XIRP2: variants seen among roughly 807,000 people sequenced by gnomAD.
XIRP2 encodes xin actin binding repeat containing 2.
XIRP2 carries 236 observed loss-of-function variants against 277.0 expected under a neutral mutation model. That is an observed-to-expected ratio of 0.85 (90% CI 0.77 to 0.95). XIRP2 has a LOEUF of 0.95. Ranked by LOEUF, XIRP2 falls within the 40% of genes least tolerant of loss-of-function variation. XIRP2 has a pLI of 0.00. For synonymous variants in XIRP2, 1,490 were observed against 1,416.5 expected (o/e 1.05, Z -1.17); for missense variants, 4,640 against 4,157.5 (o/e 1.12, Z -3.19).
chr2:167,089,580 T>C (rs1690080832), intron 2 of XIRP2, among the ~76,000 whole-genome samples: 1 of 152,144 alleles, frequency 6.6e-6, no homozygotes, highest in Non-Finnish European at 1.5e-5. Context: ...GCAAGGATGT[T>C]CTTAATGCAT....
intron 2 of XIRP2, among the ~76,000 whole-genome samples, chr2:167,048,364 TTTGA>T (rs758027359): frequency 7.2e-5 from 11 of 151,976 alleles, no homozygotes; most frequent in Non-Finnish European, 1.2e-4. Context: ...TGAATTTCCC[TTTGA>T]TTATAGAGAT....
rs139274424 is a variant in XIRP2 at position 167,039,563 on chromosome 2, G to T, written c.409-96346G>T. Among the ~76,000 whole-genome samples the T allele has an allele frequency of 1.3e-3, 203 of 152,260 alleles. 1 individual carries two copies. Among genetic ancestry groups the T allele is most frequent in the Middle Eastern group, 6.8e-3 (2 of 294 alleles). ...AAGCAGAAGATAGAGCCGTATGAATGAGTACACACACACAAACACATACAC... is the reference window on the plus strand; with the variant it reads ...AAGCAGAAGATAGAGCCGTATGAATTAGTACACACACACAAACACATACAC... On this transcript the variant is annotated intron_variant, in intron 2 of 10. Transcript: ENST00000409195.
chr2:167,043,727 T>C (rs1433313669), intron 2 of XIRP2, among the ~76,000 whole-genome samples: 1 of 151,908 alleles, frequency 6.6e-6, no homozygotes, highest in Non-Finnish European at 1.5e-5. Context: ...AATCCCTGGA[T>C]CAGATGGATT....
intron 9 of XIRP2, among the ~76,000 whole-genome samples, chr2:167,252,779 T>G (rs1488868571): frequency 6.6e-6 from 1 of 151,956 alleles, no homozygotes; most frequent in African/African-American, 2.4e-5. Context: ...AGTCCATTCT[T>G]TTAGACAGAT....
rs139937776 is a variant in XIRP2 at position 167,008,289 on chromosome 2, G to A, written c.408+104399G>A. Among the ~76,000 whole-genome samples, 455 of 151,442 alleles carry A rather than the reference G, an allele frequency of 3.0e-3. 5 individuals are homozygous for A. Among genetic ancestry groups the A allele is most frequent in the African/African-American group, 0.01 (424 of 41,398 alleles). ...TTCTTCTCTCTGTCTTATTTTTACT[G>A]GAAAGTATTATCAGTTTCTTCAATT... is the stretch of plus-strand genomic sequence containing the variant. On this transcript the variant is annotated intron_variant, in intron 2 of 10. Coordinates refer to ENST00000409195, the MANE Select transcript of XIRP2 (RefSeq NM_152381.6).
intron 2 of XIRP2, among the ~76,000 whole-genome samples, chr2:166,948,225 TATG>T: frequency 6.6e-6 from 1 of 152,240 alleles, no homozygotes; most frequent in African/African-American, 2.4e-5. Flanking sequence ...TTTGTGTGAT[TATG>T]ATATGTTAAT....
intron 3 of XIRP2, among the ~76,000 whole-genome samples, chr2:167,176,009 G>T (rs1000787567): frequency 6.6e-6 from 1 of 152,178 alleles, no homozygotes; most frequent in African/African-American, 2.4e-5. Flanking sequence ...AGAGTGCTGT[G>T]CTGGCAGCGA....
At chr2:167,065,316 A>G (rs898168662) in intron 2 of XIRP2, among the ~76,000 whole-genome samples, 2 of 151,890 alleles carry the variant, frequency 1.3e-5, no homozygotes, top group Non-Finnish European at 2.9e-5. Context: ...AGAAACGTCT[A>G]TTCAACTCCT....
At chr2:166,942,501 A>G (rs1685746900) in intron 2 of XIRP2, among the ~76,000 whole-genome samples, 1 of 152,210 alleles carries the variant, frequency 6.6e-6, no homozygotes, top group Admixed American at 6.5e-5. Flanking sequence ...CACAAGTGTT[A>G]GTGGCAGTGC....
At chr2:167,169,068 A>G (rs2105347293) in intron 3 of XIRP2, among the ~76,000 whole-genome samples, 1 of 150,074 alleles carries the variant, frequency 6.7e-6, no homozygotes, top group East Asian at 1.9e-4. Context: ...TATACTAGGT[A>G]AAAGGAATGC....
intron 3 of XIRP2, chr2:167,187,677 T>C: frequency 2.1e-6 from 1 of 470,172 alleles, no homozygotes; most frequent in Non-Finnish European, 2.8e-6. Flanking sequence ...TCTATGATAA[T>C]ATTTAGCATT....
At chr2:167,116,448 T>C (rs922472060) in intron 2 of XIRP2, among the ~76,000 whole-genome samples, 2 of 152,182 alleles carry the variant, frequency 1.3e-5, no homozygotes, top group African/African-American at 4.8e-5. Context: ...GATATTAATA[T>C]AGGTACTCCT....
intron 4 of XIRP2, among the ~76,000 whole-genome samples, chr2:167,216,129 A>G (rs892025798): frequency 4.1e-5 from 5 of 123,128 alleles, no homozygotes; most frequent in African/African-American, 1.6e-4. Context: ...ACAAAAATCA[A>G]TTCAAGATGG....
At position 166,904,843 on chromosome 2, in the gene XIRP2, G is replaced by A. The variant is rs572625333; in HGVS notation, c.408+953G>A. ...AGTTTTATCAGAAAGGTACACAGTC[G>A]TATTCTTGTTAATGGATAATTAGCC... On this transcript the variant is annotated intron_variant, in intron 2 of 10. Transcript: ENST00000409195. Among the ~76,000 whole-genome samples the A allele has an allele frequency of 1.5e-4, 23 of 152,078 alleles. No individual in the cohort carries two copies. The East Asian group carries it at 3.5e-3, about 23-fold the overall frequency.
intron 2 of XIRP2, among the ~76,000 whole-genome samples, chr2:167,075,252 G>A (rs377169517): frequency 2.0e-4 from 30 of 152,090 alleles, no homozygotes; most frequent in Non-Finnish European, 3.7e-4. Context: ...AGCATGACAC[G>A]GAGAGATAGA....
At chr2:167,034,483 CA>C (rs1002578158) in intron 2 of XIRP2, among the ~76,000 whole-genome samples, 1 of 150,062 alleles carries the variant, frequency 6.7e-6, no homozygotes, top group African/African-American at 2.5e-5. Flanking sequence ...TCAAAAGATA[CA>C]GAGTGGCTGA....
chr2:166,959,887 A>T (rs910206925), intron 2 of XIRP2, among the ~76,000 whole-genome samples: 14 of 151,750 alleles, frequency 9.2e-5, no homozygotes, highest in Non-Finnish European at 2.1e-4. Context: ...ACTGATCAGC[A>T]CAATCACTTT....
intron 2 of XIRP2, among the ~76,000 whole-genome samples, chr2:167,098,980 G>A (rs1426615908): frequency 2.0e-5 from 3 of 152,102 alleles, no homozygotes; most frequent in Non-Finnish European, 2.9e-5. Context: ...GGTGTCTGTC[G>A]ACCCCTGCTA....
rs191487090 is a variant in XIRP2, at chr2:167,165,407, A to G, written c.562+29345A>G. On this transcript the variant is annotated intron_variant, in intron 3 of 10. Transcript: ENST00000409195. ...ATATGATAAAAGTGTGTTTAGTTTTATAAGAAATCACTAAGCAGCCTTCCA... is the reference window on the plus strand; with the variant it reads ...ATATGATAAAAGTGTGTTTAGTTTTGTAAGAAATCACTAAGCAGCCTTCCA... Among the ~76,000 whole-genome samples the G allele has an allele frequency of 2.0e-4, 31 of 152,330 alleles. No homozygotes were observed. In the East Asian group the frequency reaches 5.8e-3, roughly 28 times the overall value.
Sources: allele counts gnomAD v4.1 joint callset (sites outside exome capture counted in the v4.1 genomes callset), GRCh38; gene constraint gnomAD v4.1.1; transcripts MANE v1.5; gene names NCBI Gene and HGNC (gene_info 2026-07-23, HGNC 2026-07-21).